RAB30: variants seen among roughly 807,000 people sequenced by gnomAD.
RAB30 encodes RAB30, member RAS oncogene family, also known as ras-related protein Rab-30.
Under a neutral mutation model 25.1 loss-of-function variants are expected in RAB30, and 9 were observed. That is an observed-to-expected ratio of 0.36 (90% CI 0.22 to 0.63). RAB30 has a LOEUF of 0.63. RAB30 is among the 20% of genes least tolerant of loss of function. The pLI, the probability that RAB30 is intolerant of heterozygous loss-of-function variation, is 0.69. For synonymous variants in RAB30, 77 were observed against 86.4 expected, an observed-to-expected ratio of 0.89 and a Z score of 0.60; for missense variants, 140 against 243.5, an observed-to-expected ratio of 0.58 and a Z score of 2.83.
At chr11:82,983,727 A>C (rs1014974452) in intron 4 of RAB30, among the ~76,000 whole-genome samples, 1 of 152,200 alleles carries the variant, frequency 6.6e-6, no homozygotes, top group African/African-American at 2.4e-5. Flanking sequence ...TGAGCCACCG[A>C]GCCGGGCCAA....
intron 1 of RAB30, among the ~76,000 whole-genome samples, chr11:83,032,105 C>T (rs78744820): frequency 1.3e-5 from 2 of 151,896 alleles, no homozygotes; most frequent in African/African-American, 4.9e-5. Context: ...TGTGCCCACA[C>T]TACAACCCTA....
At chr11:82,982,794 A>T (rs994401402) in intron 4 of RAB30, among the ~76,000 whole-genome samples, 6 of 152,146 alleles carry the variant, frequency 3.9e-5, no homozygotes, top group Non-Finnish European at 7.3e-5. Context: ...CCCCAGAGGC[A>T]GAGGTTGCAG....
At chr11:83,004,800 C>G (rs1857152696) in intron 1 of RAB30, among the ~76,000 whole-genome samples, 1 of 152,040 alleles carries the variant, frequency 6.6e-6, no homozygotes, top group Non-Finnish European at 1.5e-5. Flanking sequence ...CAACAAGACA[C>G]CTGTCTCTGC....
intron 1 of RAB30, among the ~76,000 whole-genome samples, chr11:83,015,265 T>C (rs1459790413): frequency 1.3e-5 from 2 of 152,144 alleles, no homozygotes; most frequent in African/African-American, 2.4e-5. Context: ...TGAGAGATCA[T>C]ATGGCTTGGA....
intron 1 of RAB30, among the ~76,000 whole-genome samples, chr11:83,004,525 A>G (rs563575334): frequency 6.6e-6 from 1 of 152,312 alleles, no homozygotes; most frequent in Non-Finnish European, 1.5e-5. Context: ...TCCCTGATAA[A>G]TCCAAAACAA....
intron 1 of RAB30, among the ~76,000 whole-genome samples, chr11:83,067,168 G>A (rs1013847719): frequency 2.6e-5 from 4 of 152,072 alleles, no homozygotes; most frequent in African/African-American, 7.2e-5. Flanking sequence ...GATTATTTAC[G>A]TTTGTCTCCC....
intron 2 of RAB30, 142 bp downstream of exon 2, chr11:82,997,082 C>A: frequency 1.4e-6 from 1 of 690,304 alleles, no homozygotes; most frequent in South Asian, 1.9e-5. Flanking sequence ...GCAGATGCAG[C>A]TTTCAAAGGG....
At chr11:83,021,443 C>G (rs953752643) in intron 1 of RAB30, among the ~76,000 whole-genome samples, 1 of 152,212 alleles carries the variant, frequency 6.6e-6, no homozygotes, top group Non-Finnish European at 1.5e-5. Context: ...TCCCCAGTGC[C>G]AGCTGGGAAA....
At chr11:83,052,854 T>C (rs1194718499) in intron 1 of RAB30, among the ~76,000 whole-genome samples, 2 of 152,206 alleles carry the variant, frequency 1.3e-5, no homozygotes, top group Non-Finnish European at 2.9e-5. Flanking sequence ...TCAGATGATT[T>C]TTATGAGCCA....
intron 1 of RAB30, among the ~76,000 whole-genome samples, chr11:83,064,151 T>C (rs1268701160): frequency 3.9e-5 from 6 of 152,230 alleles, no homozygotes; most frequent in Admixed American, 2.0e-4. Context: ...CAAGGTCTCA[T>C]GATCAGGGCT....
intron 1 of RAB30, among the ~76,000 whole-genome samples, chr11:83,045,859 T>C (rs1858222887): frequency 6.6e-6 from 1 of 150,802 alleles, no homozygotes; most frequent in Non-Finnish European, 1.5e-5. Context: ...AATAATTAGC[T>C]GTGTGACCCA....
chr11:83,002,656 C>T (rs1238096185), intron 1 of RAB30, among the ~76,000 whole-genome samples: 1 of 151,484 alleles, frequency 6.6e-6, no homozygotes, highest in African/African-American at 2.4e-5. Context: ...TGGCCTTTAC[C>T]AGGCGTGGTG....
At chr11:82,995,278 T>C (rs1298590358) in intron 2 of RAB30, among the ~76,000 whole-genome samples, 1 of 152,232 alleles carries the variant, frequency 6.6e-6, no homozygotes, top group African/African-American at 2.4e-5. Flanking sequence ...AAGAAAATGT[T>C]CTACTGCATG....
chr11:83,039,369 A>G (rs1858053911), intron 1 of RAB30, among the ~76,000 whole-genome samples: 1 of 152,194 alleles, frequency 6.6e-6, no homozygotes, highest in African/African-American at 2.4e-5. Context: ...TTAGTCCATG[A>G]TAAAAAGTCC....
chr11:83,020,746 G>A (rs915749782), intron 1 of RAB30, among the ~76,000 whole-genome samples: 9 of 152,332 alleles, frequency 5.9e-5, no homozygotes, highest in South Asian at 4.1e-4. Flanking sequence ...GTCAGACCAC[G>A]GAACAGAGGG....
At chr11:83,014,694 GA>G (rs1565277275) in intron 1 of RAB30, among the ~76,000 whole-genome samples, 5 of 132,638 alleles carry the variant, frequency 3.8e-5, no homozygotes, top group South Asian at 2.4e-4. Flanking sequence ...AAGAAAGAAA[GA>G]GAAAGGAAGG....
intron 1 of RAB30, among the ~76,000 whole-genome samples, chr11:83,062,789 T>C (rs1018245983): frequency 6.6e-6 from 1 of 151,666 alleles, no homozygotes; most frequent in Admixed American, 6.6e-5. Flanking sequence ...TCGCCTGAGG[T>C]CAGGAGTTTG....
At chr11:83,002,862 TC>T (rs1857114572) in intron 1 of RAB30, among the ~76,000 whole-genome samples, 1 of 152,200 alleles carries the variant, frequency 6.6e-6, no homozygotes, top group Non-Finnish European at 1.5e-5. Context: ...TTTTCCTCTT[TC>T]CCTTTGGGGC....
chr11:82,979,897 C>T lies in RAB30; in HGVS notation c.*2268G>A, dbSNP rs548666757. The T allele has an allele frequency of 6.6e-6, 1 of 152,238 alleles. No individual in the cohort carries two copies. The highest frequency in any genetic ancestry group is 1.5e-5 in the Non-Finnish European group (1 of 68,008). 9.4% of individuals were successfully genotyped at this position (152,238 alleles called of 1,614,324 possible). A position where few individuals can be genotyped will look rare whatever the true frequency, so the allele number is the denominator to read the frequency against. ...CCAAGGGTATATAGAGAAGGCTAAA[C>T]CCTAGGGAATAATACAAGTGTGACC... On this transcript the variant is annotated 3_prime_UTR_variant, in exon 5 of 5. Coordinates refer to ENST00000527633, the MANE Select transcript of RAB30 (RefSeq NM_001286060.2).
Sources: allele counts gnomAD v4.1 joint callset (sites outside exome capture counted in the v4.1 genomes callset), GRCh38; gene constraint gnomAD v4.1.1; transcripts MANE v1.5; gene names NCBI Gene and HGNC (gene_info 2026-07-23, HGNC 2026-07-21).